The following SSX2IP variants were observed in gnomAD, a reference collection of about 807,000 sequenced individuals.
SSX2IP encodes SSX family member 2 interacting protein.
In SSX2IP, 55 loss-of-function variants were observed where a neutral mutation model predicts 84.9. The observed-to-expected ratio is 0.65, with a 90% CI of 0.52 to 0.81. The LOEUF (loss-of-function observed/expected upper bound fraction) is 0.81, where lower values mean the gene tolerates loss of function less well. SSX2IP is among the 30% of genes least tolerant of loss of function. The pLI, the probability that SSX2IP is intolerant of heterozygous loss-of-function variation, is 0.00. For synonymous variants in SSX2IP, 239 were observed against 234.7 expected, an observed-to-expected ratio of 1.02 and a Z score of -0.17; for missense variants, 664 against 705.2, an observed-to-expected ratio of 0.94 and a Z score of 0.66.
Position 84,664,422 on chromosome 1 carries a change from T to G in SSX2IP, c.668A>C (p.Lys223Thr), listed in dbSNP as rs1257535774. 6.3e-7 allele frequency: 1 copy of G among 1,578,724 alleles called. No homozygotes were observed. Among genetic ancestry groups the G allele is most frequent in the Admixed American group, 1.9e-5 (1 of 51,846 alleles). ...HQLVMNKKDK[K>T]IAMDILNYVG... ...GATCTTTGCCAGCTGTTTACCTATT[T>G]TCTTATCTTTCTTGTTCATAACAAG... The change falls in exon 6 of 14, where the codon AAA becomes ACA. Residue 223 changes from lysine to threonine, a missense_variant. Coordinates refer to ENST00000342203, the MANE Select transcript of SSX2IP (RefSeq NM_001166293.2).
intron 1 of SSX2IP, among the ~76,000 whole-genome samples, chr1:84,674,415 GA>G (rs1258738132): frequency 6.6e-6 from 1 of 152,086 alleles, no homozygotes; most frequent in Non-Finnish European, 1.5e-5. Context: ...TCTAGAGACA[GA>G]TATCTTTATA....
intron 1 of SSX2IP, among the ~76,000 whole-genome samples, chr1:84,673,648 G>C (rs1300978018): frequency 6.6e-6 from 1 of 152,178 alleles, no homozygotes; most frequent in Non-Finnish European, 1.5e-5. Flanking sequence ...AAGATGACCA[G>C]TGTTAAACTA....
intron 11 of SSX2IP, chr1:84,655,524 G>A (rs943273461): frequency 2.5e-5 from 34 of 1,341,078 alleles, no homozygotes; most frequent in Non-Finnish European, 3.2e-5. Flanking sequence ...CCTACTGACC[G>A]TGGATGAATG....
chr1:84,651,760 A>G, intron 12 of SSX2IP, 123 bp downstream of exon 12: 1 of 616,954 alleles, frequency 1.6e-6, no homozygotes, highest in East Asian at 2.9e-5. Flanking sequence ...ACTTTTAGTT[A>G]TAATTAGAGA....
intron 10 of SSX2IP, 51 bp downstream of exon 10, chr1:84,656,297 A>C: frequency 1.9e-6 from 3 of 1,577,592 alleles, no homozygotes; most frequent in Non-Finnish European, 2.6e-6. Flanking sequence ...AAGGTTCAGC[A>C]CAATTCTGGC....
At chr1:84,665,703 A>G (rs1652683537) in intron 5 of SSX2IP, among the ~76,000 whole-genome samples, 1 of 152,176 alleles carries the variant, frequency 6.6e-6, no homozygotes, top group South Asian at 2.1e-4. Context: ...CATTTAATGA[A>G]GAAACTGGTT....
Position 84,664,553 on chromosome 1 carries a change from C to A in SSX2IP, c.538-1G>T. 6.4e-7 allele frequency: 1 copy of A among 1,564,988 alleles called. No individual in the cohort carries two copies. The highest frequency in any genetic ancestry group is 8.6e-7 in the Non-Finnish European group (1 of 1,162,398). On this transcript the variant is annotated splice_acceptor_variant, in intron 5 of 13. Transcript: ENST00000342203. LOFTEE classifies it high-confidence loss of function. ...CAATGATATTTTGTAATTTTTGCAC[C>A]TGAAAAAGGCATTTGCTATTATAAG... is the stretch of plus-strand genomic sequence containing the variant.
chr1:84,662,570 T>C, intron 6 of SSX2IP, 40 bp from the exon 7 acceptor site: 1 of 1,601,304 alleles, frequency 6.2e-7, no homozygotes, highest in Middle Eastern at 1.7e-4. Flanking sequence ...TTACCATACA[T>C]GCTTAAGCAT....
intron 13 of SSX2IP, 115 bp from the exon 14 acceptor site, chr1:84,647,722 G>T (rs1649649151): frequency 1.3e-6 from 1 of 755,982 alleles, no homozygotes; most frequent in African/African-American, 1.8e-5. Flanking sequence ...TAAAAATCTA[G>T]GCCAAAAATA....
At chr1:84,661,801 C>T (rs1481429567) in intron 8 of SSX2IP, among the ~76,000 whole-genome samples, 2 of 152,124 alleles carry the variant, frequency 1.3e-5, no homozygotes, top group South Asian at 2.1e-4. Context: ...AATCCTAGCA[C>T]TGTCATGTGT....
chr1:84,673,522 T>A (rs1023887764), intron 1 of SSX2IP, among the ~76,000 whole-genome samples: 6 of 152,208 alleles, frequency 3.9e-5, no homozygotes, highest in African/African-American at 1.4e-4. Flanking sequence ...GGTAGGAAAG[T>A]AGCATGTTCT....
chr1:84,669,983 A>C (rs1653327265), intron 3 of SSX2IP, 90 bp from the exon 4 acceptor site: 2 of 850,928 alleles, frequency 2.4e-6, no homozygotes, highest in African/African-American at 3.4e-5. Context: ...AGGAAGAATA[A>C]GTTTAATAGA....
chr1:84,649,411 G>T (rs1649907027), intron 13 of SSX2IP, among the ~76,000 whole-genome samples: 1 of 152,160 alleles, frequency 6.6e-6, no homozygotes, highest in South Asian at 2.1e-4. Context: ...TTTACTTGGA[G>T]TCCTAATCCC....
chr1:84,683,643 G>C (rs1320617208), intron 1 of SSX2IP, among the ~76,000 whole-genome samples: 2 of 152,116 alleles, frequency 1.3e-5, no homozygotes, highest in Non-Finnish European at 2.9e-5. Flanking sequence ...CTCACTCCAA[G>C]GTTGGAGCCC....
intron 8 of SSX2IP, among the ~76,000 whole-genome samples, chr1:84,661,073 A>G (rs1651908283): frequency 6.7e-6 from 1 of 148,742 alleles, no homozygotes; most frequent in Non-Finnish European, 1.5e-5. Flanking sequence ...CTCTTAAAAA[A>G]AAAAAAAAAA....
intron 4 of SSX2IP, 120 bp downstream of exon 4, chr1:84,669,561 C>T (rs891696129): frequency 2.6e-6 from 2 of 766,336 alleles, no homozygotes; most frequent in Non-Finnish European, 4.2e-6. Context: ...TTTTACTTAC[C>T]TGTTTAAAAA....
Position 84,658,478 on chromosome 1 carries a change from G to A in SSX2IP, c.928-10C>T. 1 of 1,612,258 alleles carries A rather than the reference G, an allele frequency of 6.2e-7. No individual in the cohort carries two copies. The highest frequency in any genetic ancestry group is 8.5e-7 in the Non-Finnish European group (1 of 1,178,924). On this transcript the variant is annotated splice_polypyrimidine_tract_variant and intron_variant, in intron 8 of 13. Coordinates refer to ENST00000342203, the MANE Select transcript of SSX2IP (RefSeq NM_001166293.2). ...CAACATCGGAAATAACCTACAAGCG[G>A]AGAGAGATGAAGAGGAAAGGCTAGT...
intron 4 of SSX2IP, among the ~76,000 whole-genome samples, chr1:84,669,464 C>T (rs995790014): frequency 7.9e-5 from 12 of 152,156 alleles, no homozygotes; most frequent in African/African-American, 1.9e-4. Flanking sequence ...TTTACAGATT[C>T]GGCAAGTCAT....
At chr1:84,681,030 G>T (rs552837218) in intron 1 of SSX2IP, among the ~76,000 whole-genome samples, 1 of 107,278 alleles carries the variant, frequency 9.3e-6, no homozygotes, top group East Asian at 4.0e-4. Context: ...AAGCAGTCTT[G>T]TTGGGCAAAA....
Sources: gnomAD v4.1 joint callset for allele counts (sites outside exome capture counted in the v4.1 genomes callset) on GRCh38, gnomAD v4.1.1 for gene constraint, MANE v1.5 for transcripts, NCBI Gene and HGNC (gene_info 2026-07-23, HGNC 2026-07-21) for gene names.